Variants in KIF13A observed in about 807,000 individuals in gnomAD.
KIF13A encodes kinesin-like protein KIF13A.
A neutral mutation model predicts 212.2 loss-of-function variants in KIF13A; 79 were observed. The ratio of observed to expected loss-of-function variants is 0.37; its 90% confidence interval spans 0.31 to 0.45. The LOEUF (loss-of-function observed/expected upper bound fraction) is 0.45. KIF13A is among the 20% of genes least tolerant of loss of function. The probability of loss-of-function intolerance (pLI) is 1.00; values close to 1 mark genes in which losing one functional copy is unlikely to be tolerated. For missense variants in KIF13A, 1,901 were observed against 2,209.0 expected (o/e 0.86, Z 2.79); for synonymous variants, 789 against 808.6 (o/e 0.98, Z 0.41).
Position 17,831,211 on chromosome 6 carries a change from T to C in KIF13A, c.1291A>G (p.Met431Val), listed in dbSNP as rs1195668940. 4 of 1,613,390 alleles carry C rather than the reference T, an allele frequency of 2.5e-6. No homozygotes were observed. The highest frequency in any genetic ancestry group is 2.2e-5 in the East Asian group (1 of 44,884). Reference protein sequence around the residue: ...AQERQRQLESMGISLEMSGIK... With the variant: ...AQERQRQLESVGISLEMSGIK... The stretch of plus-strand genomic sequence containing the variant: ...CCGGACATCTCCAGGGAAATCCCCA[T>C]GCTTTCAAGTTGTCGTTGTCTTTCC... Residue 431 changes from methionine to valine, a missense_variant, in exon 13 of 39, where the codon ATG becomes GTG. By Grantham distance (21) the Met-to-Val change is conservative. Around this residue, in one of 5 missense-constraint regions of KIF13A, gnomAD observed 506 missense variants for 637.4 expected, o/e 0.79. Transcript: ENST00000259711.
In KIF13A at chr6:17,984,588, T is replaced by G. The variant is rs1410974769; in HGVS notation, c.146+2466A>C. The G allele has an allele frequency of 3.1e-6, 3 of 972,470 alleles. No individual in the cohort carries two copies. The highest frequency in any genetic ancestry group is 3.5e-5 in the African/African-American group (2 of 56,930). The allele number at this position is 972,470 out of a possible 1,614,324, so 60.2% of individuals were successfully genotyped here. On this transcript the variant is annotated intron_variant, in intron 2 of 38. Coordinates refer to ENST00000259711, the MANE Select transcript of KIF13A (RefSeq NM_022113.6). This position sits in a 1 kb window ranked among gnomAD's most constrained non-coding sequence, Gnocchi z 5.0. ...ACAATGAAAGCTGACCCCATCTGTTTTTTTTTTTTTTCCCTGGACGTCAAT... is the reference window on the plus strand; with the variant it reads ...ACAATGAAAGCTGACCCCATCTGTTGTTTTTTTTTTTCCCTGGACGTCAAT...
rs752888614 is a variant in KIF13A at position 17,855,665 on chromosome 6, A to G, written c.314-48T>C. On this transcript the variant is annotated intron_variant, in intron 5 of 38. Transcript: ENST00000259711. This position sits in a 1 kb window ranked among gnomAD's most constrained non-coding sequence, Gnocchi z 4.1. ...AAGAACAGGTAGAGGAGGGAGCAAAATGCAATGCTTCAACCATACAAGGTT... is the reference window on the plus strand; with the variant it reads ...AAGAACAGGTAGAGGAGGGAGCAAAGTGCAATGCTTCAACCATACAAGGTT... The G allele has an allele frequency of 3.3e-5, 47 of 1,436,656 alleles. 3 individuals carry two copies. The South Asian group carries it at 6.1e-4, about 19-fold the overall frequency. 89.0% of individuals were successfully genotyped at this position (1,436,656 alleles called of 1,614,324 possible).
intron 18 of KIF13A, among the ~76,000 whole-genome samples, chr6:17,807,013 G>A (rs1030943848): frequency 1.3e-5 from 2 of 152,202 alleles, no homozygotes; most frequent in Non-Finnish European, 2.9e-5. Flanking sequence ...AATTTCTTAT[G>A]CCTGTCTTTA....
At chr6:17,793,577 G>T (rs770864013) in intron 25 of KIF13A, among the ~76,000 whole-genome samples, 15 of 152,040 alleles carry the variant, frequency 9.9e-5, no homozygotes, top group Admixed American at 3.3e-4. Context: ...AGCTTTCAAA[G>T]AACTGGTTTA....
chr6:17,956,019 T>A (rs970260643), intron 2 of KIF13A, among the ~76,000 whole-genome samples: 1 of 152,182 alleles, frequency 6.6e-6, no homozygotes, highest in East Asian at 1.9e-4. Context: ...TCTATTAACA[T>A]TGCTTTAAAT....
intron 2 of KIF13A, among the ~76,000 whole-genome samples, chr6:17,976,701 G>A (rs1780541275): frequency 6.6e-6 from 1 of 152,012 alleles, no homozygotes; most frequent in Non-Finnish European, 1.5e-5. Context: ...CAGAGGAGGC[G>A]CCGAGAGCGA....
rs188662836 is a variant in KIF13A, at chr6:17,808,757, G to A, written c.2163+11C>T. The A allele has an allele frequency of 7.3e-4, 1,175 of 1,606,364 alleles. 1 individual carries two copies. The highest frequency in any genetic ancestry group is 9.4e-4 in the Non-Finnish European group (1,109 of 1,176,652). ...GTGCATCTTGCCCTCTCACTTGAAG[G>A]ACATTCTTACCTTCCTATTGGCACT... On this transcript the variant is annotated intron_variant, in intron 18 of 38. Coordinates refer to ENST00000259711, the MANE Select transcript of KIF13A (RefSeq NM_022113.6).
chr6:17,871,641 G>T lies in KIF13A; in HGVS notation c.220+1736C>A, dbSNP rs1256312832. On this transcript the variant is annotated intron_variant, in intron 4 of 38. Coordinates refer to ENST00000259711, the MANE Select transcript of KIF13A (RefSeq NM_022113.6). This position sits in a 1 kb window ranked among gnomAD's most constrained non-coding sequence, Gnocchi z 4.4. ...ACTGGGCTGAGGCACTGAATGAGTG[G>T]TGAGAGGAGTCCCAGAAGAGACAGT... is the stretch of plus-strand genomic sequence containing the variant. 6.6e-6 allele frequency among the ~76,000 whole-genome samples: 1 copy of T among 152,112 alleles called. No homozygotes were observed. Among genetic ancestry groups the T allele is most frequent in the East Asian group, 1.9e-4 (1 of 5,188 alleles).
chr6:17,842,146 T>C (rs1317350573), intron 9 of KIF13A, among the ~76,000 whole-genome samples: 1 of 151,824 alleles, frequency 6.6e-6, no homozygotes, highest in Non-Finnish European at 1.5e-5. Context: ...TCTCCCAGGA[T>C]CAAGTGATCC....
In KIF13A at chr6:17,951,511, A is replaced by G; in HGVS notation, c.146+35543T>C. 2.3e-6 allele frequency: 1 copy of G among 432,426 alleles called. No homozygotes were observed. Among genetic ancestry groups the G allele is most frequent in the Non-Finnish European group, 4.1e-6 (1 of 242,596 alleles). 26.8% of individuals were successfully genotyped at this position (432,426 alleles called of 1,614,324 possible). ...TTTACCCACTAAAAGTGTCCAATTC[A>G]GTGATTTTTAGCATATTCACAGAGT... On this transcript the variant is annotated intron_variant, in intron 2 of 38. Coordinates refer to ENST00000259711, the MANE Select transcript of KIF13A (RefSeq NM_022113.6). This position sits in a 1 kb window ranked among gnomAD's most constrained non-coding sequence, Gnocchi z 4.9.
chr6:17,859,667 G>GCCCTGTCA, intron 4 of KIF13A, among the ~76,000 whole-genome samples: 1 of 119,654 alleles, frequency 8.4e-6, no homozygotes, highest in Middle Eastern at 6.0e-3. Context: ...GACGAGTCTT[G>GCCCTGTCA]CCCTGTCACC....
intron 3 of KIF13A, among the ~76,000 whole-genome samples, chr6:17,879,767 C>G (rs1352225268): frequency 6.6e-6 from 1 of 152,184 alleles, no homozygotes; most frequent in Non-Finnish European, 1.5e-5. Context: ...AAACTATTTA[C>G]AAACTATTAC....
rs1036898572 is a variant in KIF13A, at chr6:17,769,391, A to G, written c.4581+1723T>C. ...TTCAAGTAAGACTCCAGCAAGAACA[A>G]TAACACCATCAAGTCCTTCTTACTG... is the stretch of plus-strand genomic sequence containing the variant. On this transcript the variant is annotated intron_variant, in intron 38 of 38. Coordinates refer to ENST00000259711, the MANE Select transcript of KIF13A (RefSeq NM_022113.6). The surrounding 1 kb of genome is among the most constrained non-coding windows in gnomAD (Gnocchi z 5.8). Among the ~76,000 whole-genome samples the G allele has an allele frequency of 1.3e-5, 2 of 152,160 alleles. No homozygotes were observed. The highest frequency in any genetic ancestry group is 6.5e-5 in the Admixed American group (1 of 15,272).
In KIF13A at chr6:17,912,774, GTTAC is replaced by G. The variant is rs1459425824; in HGVS notation, c.147-14598_147-14595del. 3.3e-5 allele frequency among the ~76,000 whole-genome samples: 5 copies of G among 152,122 alleles called. No individual in the cohort carries two copies. The highest frequency in any genetic ancestry group is 2.4e-5 in the African/African-American group (1 of 41,426). ...AATGATTTGGAAGCACTGAGAAAAG[GTTAC>G]TTGTTTCTCATGGTATCCTCCCTGT... On this transcript the variant is annotated intron_variant, in intron 2 of 38. Coordinates refer to ENST00000259711, the MANE Select transcript of KIF13A (RefSeq NM_022113.6). This position sits in a 1 kb window ranked among gnomAD's most constrained non-coding sequence, Gnocchi z 4.2.
intron 22 of KIF13A, among the ~76,000 whole-genome samples, chr6:17,797,184 C>A (rs1251993612): frequency 8.5e-5 from 13 of 152,196 alleles, no homozygotes; most frequent in Non-Finnish European, 2.9e-5. Context: ...CACTCGCCAC[C>A]ACGCCCGGCT....
Position 17,892,653 on chromosome 6 carries a change from A to G in KIF13A, c.159+5515T>C, listed in dbSNP as rs1046705114. 3.3e-5 allele frequency among the ~76,000 whole-genome samples: 5 copies of G among 152,192 alleles called. No homozygotes were observed. Among genetic ancestry groups the G allele is most frequent in the Non-Finnish European group, 5.9e-5 (4 of 68,036 alleles). ...TGACTTCTGGGAGGGGAGAGACACT[A>G]GAGACTGAGTTCAATGGATTCAATC... On this transcript the variant is annotated intron_variant, in intron 3 of 38. Coordinates refer to ENST00000259711, the MANE Select transcript of KIF13A (RefSeq NM_022113.6). This position sits in a 1 kb window ranked among gnomAD's most constrained non-coding sequence, Gnocchi z 4.7.
chr6:17,979,302 T>A (rs941369122), intron 2 of KIF13A, among the ~76,000 whole-genome samples: 1 of 152,056 alleles, frequency 6.6e-6, no homozygotes, highest in Non-Finnish European at 1.5e-5. Context: ...AAAAAAAAAA[T>A]TTCCAGCTTT....
chr6:17,845,317 T>TGACCA (rs747894580), intron 9 of KIF13A, among the ~76,000 whole-genome samples: 10 of 152,262 alleles, frequency 6.6e-5, no homozygotes, highest in Non-Finnish European at 1.5e-4. Context: ...CCATACCATA[T>TGACCA]CACCAAGTCA....
At chr6:17,833,855 C>CAAAAAAA (rs11358140) in intron 12 of KIF13A, 106 bp downstream of exon 12, 20,418 of 360,986 alleles carry the variant, frequency 0.057, 1,005 homozygotes, top group South Asian at 0.084. Flanking sequence ...GACTCCGTCT[C>CAAAAAAA]AAAAAAAAAA....
Sources: gnomAD v4.1 joint callset for allele counts (sites outside exome capture counted in the v4.1 genomes callset) on GRCh38, gnomAD v4.1.1 for gene constraint, gnomAD v4.1.1 regional missense constraint, Gnocchi (gnomAD v3.1) non-coding constraint, MANE v1.5 for transcripts, NCBI Gene and HGNC (gene_info 2026-07-23, HGNC 2026-07-21) for gene names.